Variants in EYS observed in about 807,000 individuals in gnomAD.
The protein encoded by EYS is EGF-like photoreceptor maintenance factor.
A neutral mutation model predicts 282.1 loss-of-function variants in EYS; 250 were observed. That is an observed-to-expected ratio of 0.89 (90% CI 0.80 to 0.98). The LOEUF is 0.98. Among genes scored for constraint, EYS ranks in the 50% least tolerant of loss-of-function variants. The probability of loss-of-function intolerance (pLI) is 0.00; values close to 1 mark genes in which losing one functional copy is unlikely to be tolerated. For synonymous variants in EYS, 1,355 were observed against 1,282.9 expected (o/e 1.06, Z -1.20); for missense variants, 4,016 against 3,709.0 (o/e 1.08, Z -2.15).
intron 34 of EYS, among the ~76,000 whole-genome samples, chr6:63,991,695 A>G (rs993448365): frequency 6.6e-6 from 1 of 151,880 alleles, no homozygotes; most frequent in Admixed American, 6.6e-5. Context: ...ATTCATAGAA[A>G]TAATGAATGA....
chr6:65,687,281 A>G (rs750107372), intron 1 of EYS, among the ~76,000 whole-genome samples: 20 of 152,112 alleles, frequency 1.3e-4, no homozygotes, highest in Non-Finnish European at 2.8e-4. Context: ...TATGCAAGAA[A>G]AAAGACAAAC....
Position 65,579,417 on chromosome 6 carries a change from A to G in EYS, c.-333+60361T>C, listed in dbSNP as rs540220429. Among the ~76,000 whole-genome samples the G allele has an allele frequency of 4.6e-5, 7 of 152,288 alleles. No individual in the cohort carries two copies. In the South Asian group the frequency reaches 1.4e-3, roughly 32 times the overall value. On this transcript the variant is annotated intron_variant, in intron 2 of 42. Coordinates refer to ENST00000503581, the MANE Select transcript of EYS (RefSeq NM_001142800.2). ...ATATATTTCTGGAAATATATATCAG[A>G]GACGGCAAAGGTCTTTGTGTATTAG...
At chr6:64,647,265 A>C (rs1336590407) in intron 22 of EYS, among the ~76,000 whole-genome samples, 3 of 152,210 alleles carry the variant, frequency 2.0e-5, no homozygotes, top group Non-Finnish European at 4.4e-5. Flanking sequence ...AAATGACTAC[A>C]AACAACAGTA....
At chr6:65,212,393 C>G (rs1057233596) in intron 12 of EYS, among the ~76,000 whole-genome samples, 3 of 151,996 alleles carry the variant, frequency 2.0e-5, no homozygotes, top group African/African-American at 7.2e-5. Context: ...TATCTGGGAT[C>G]TATACAGCTG....
chr6:64,384,803 G>C (rs1772858111), intron 29 of EYS, among the ~76,000 whole-genome samples: 1 of 152,120 alleles, frequency 6.6e-6, no homozygotes. Context: ...GCACAAAATT[G>C]AAAGTGTCTG....
At chr6:64,756,425 G>T (rs1263166820) in intron 22 of EYS, among the ~76,000 whole-genome samples, 1 of 152,104 alleles carries the variant, frequency 6.6e-6, no homozygotes, top group African/African-American at 2.4e-5. Context: ...GAATGGGAAT[G>T]GGACCATGGC....
chr6:64,544,435 C>A (rs920461197), intron 26 of EYS, among the ~76,000 whole-genome samples: 1 of 152,080 alleles, frequency 6.6e-6, no homozygotes, highest in Non-Finnish European at 1.5e-5. Context: ...TGCAGGAAAC[C>A]ATCTAGCACT....
At chr6:64,138,550 A>G (rs768814250) in intron 31 of EYS, among the ~76,000 whole-genome samples, 4 of 152,176 alleles carry the variant, frequency 2.6e-5, no homozygotes, top group Non-Finnish European at 5.9e-5. Flanking sequence ...TCAAGAGAGT[A>G]TACTTCTTAT....
chr6:64,670,823 C>G (rs1769430620), intron 22 of EYS, among the ~76,000 whole-genome samples: 1 of 151,998 alleles, frequency 6.6e-6, no homozygotes. Flanking sequence ...CTATTTTTTT[C>G]CTCAGGAGTT....
intron 2 of EYS, among the ~76,000 whole-genome samples, chr6:65,636,915 A>C (rs549457247): frequency 6.6e-6 from 1 of 152,250 alleles, no homozygotes; most frequent in East Asian, 1.9e-4. Context: ...AGCCTCAAGC[A>C]ATCCTCCCAC....
intron 12 of EYS, among the ~76,000 whole-genome samples, chr6:65,222,498 G>A (rs1766494915): frequency 6.6e-6 from 1 of 152,116 alleles, no homozygotes; most frequent in African/African-American, 2.4e-5. Flanking sequence ...CCCAGCATGT[G>A]GAACTGTGAG....
intron 24 of EYS, among the ~76,000 whole-genome samples, chr6:64,615,655 TAGCTACTC>T (rs1211077228): frequency 6.6e-6 from 1 of 152,118 alleles, no homozygotes; most frequent in Non-Finnish European, 1.5e-5. Flanking sequence ...CCCCTATCTT[TAGCTACTC>T]ATTTTAAAGA....
At chr6:65,324,180 G>T (rs1299504176) in intron 11 of EYS, among the ~76,000 whole-genome samples, 1 of 151,514 alleles carries the variant, frequency 6.6e-6, no homozygotes, top group Non-Finnish European at 1.5e-5. Context: ...CAATTACCCC[G>T]ATTCATTGTT....
intron 26 of EYS, among the ~76,000 whole-genome samples, chr6:64,577,081 A>C (rs1765905051): frequency 6.6e-6 from 1 of 152,070 alleles, no homozygotes; most frequent in Admixed American, 6.6e-5. Flanking sequence ...GACCACCACC[A>C]AGGAAGCTAG....
At chr6:65,630,538 A>G (rs1053810085) in intron 2 of EYS, among the ~76,000 whole-genome samples, 18 of 152,220 alleles carry the variant, frequency 1.2e-4, no homozygotes, top group African/African-American at 4.1e-4. Context: ...CAAAAACTCA[A>G]CAGCAATATT....
At chr6:65,515,172 C>CA (rs1215930654) in intron 2 of EYS, among the ~76,000 whole-genome samples, 1 of 152,044 alleles carries the variant, frequency 6.6e-6, no homozygotes, top group African/African-American at 2.4e-5. Flanking sequence ...TTTATCCAGC[C>CA]AAAAAACACA....
At chr6:64,302,923 C>T (rs1769285471) in intron 30 of EYS, among the ~76,000 whole-genome samples, 1 of 152,082 alleles carries the variant, frequency 6.6e-6, no homozygotes. Flanking sequence ...CTCAGGTCCT[C>T]TTTGAATTCC....
At chr6:65,463,659 T>C (rs1405607116) in intron 5 of EYS, among the ~76,000 whole-genome samples, 1 of 152,140 alleles carries the variant, frequency 6.6e-6, no homozygotes, top group Non-Finnish European at 1.5e-5. Context: ...TGTGTTTATT[T>C]AAAAAAGTAT....
At chr6:65,442,779 AT>A (rs377737608) in intron 5 of EYS, among the ~76,000 whole-genome samples, 1,610 of 104,718 alleles carry the variant, frequency 0.015, 265 homozygotes, top group East Asian at 0.03. Context: ...AAAATAAAAA[AT>A]TAAAAAAAAA....
Sources: allele counts gnomAD v4.1 joint callset (sites outside exome capture counted in the v4.1 genomes callset), GRCh38; gene constraint gnomAD v4.1.1; transcripts MANE v1.5; gene names NCBI Gene and HGNC (gene_info 2026-07-23, HGNC 2026-07-21).